Variants in TTC28 observed in about 807,000 individuals in gnomAD.
TTC28 encodes the protein tetratricopeptide repeat domain 28.
Under a neutral mutation model 198.0 loss-of-function variants are expected in TTC28, and 61 were observed. The ratio of observed to expected loss-of-function variants is 0.31; its 90% CI spans 0.25 to 0.38. The LOEUF is 0.38. TTC28 is among the 10% of genes least tolerant of loss of function. The probability of loss-of-function intolerance (pLI) is 1.00; values close to 1 mark genes in which losing one functional copy is unlikely to be tolerated. For missense variants in TTC28, 2,678 were observed against 3,164.0 expected (o/e 0.85, Z 3.69); for synonymous variants, 1,171 against 1,297.8 (o/e 0.90, Z 2.10).
intron 1 of TTC28, among the ~76,000 whole-genome samples, chr22:28,657,451 C>G (rs932783367): frequency 6.6e-6 from 1 of 152,182 alleles, no homozygotes; most frequent in Non-Finnish European, 1.5e-5. Context: ...CTAAGCAATA[C>G]AGAATAAAGT....
At chr22:28,032,232 TAAAATATATATATATAAA>T (rs1939146037) in intron 12 of TTC28, among the ~76,000 whole-genome samples, 1 of 128,692 alleles carries the variant, frequency 7.8e-6, no homozygotes, top group African/African-American at 3.2e-5. Flanking sequence ...TATATATATA[TAAAATATATATATATAAA>T]ATATATATAT....
chr22:28,084,628 C>A (rs1941494119), intron 12 of TTC28, among the ~76,000 whole-genome samples: 1 of 152,218 alleles, frequency 6.6e-6, no homozygotes, highest in Non-Finnish European at 1.5e-5. Context: ...AGAAACGCAG[C>A]TCCTCACCAG....
At chr22:28,395,195 T>C (rs16986366) in intron 2 of TTC28, among the ~76,000 whole-genome samples, 1,839 of 152,290 alleles carry the variant, frequency 0.012, 33 homozygotes, top group African/African-American at 0.042. Flanking sequence ...TTCATGGATA[T>C]GGCAACAGGA....
chr22:28,434,015 C>G (rs931242830), intron 2 of TTC28, among the ~76,000 whole-genome samples: 2 of 152,120 alleles, frequency 1.3e-5, no homozygotes, highest in Non-Finnish European at 2.9e-5. Context: ...AAAACATAGC[C>G]TAAAACCAGA....
At chr22:28,009,024 A>G (rs1051228073) in intron 14 of TTC28, among the ~76,000 whole-genome samples, 1 of 152,246 alleles carries the variant, frequency 6.6e-6, no homozygotes, top group Non-Finnish European at 1.5e-5. Flanking sequence ...CTTTCATGCT[A>G]AACACTTGCA....
chr22:28,324,062 AC>A (rs977580853), intron 2 of TTC28, among the ~76,000 whole-genome samples: 4 of 152,190 alleles, frequency 2.6e-5, no homozygotes, highest in Non-Finnish European at 5.9e-5. Context: ...TCCCAGACAA[AC>A]AAAACCTGAG....
chr22:28,156,873 AT>A (rs1215180080), intron 6 of TTC28, among the ~76,000 whole-genome samples: 2 of 152,202 alleles, frequency 1.3e-5, no homozygotes, highest in Non-Finnish European at 2.9e-5. Context: ...CAAATAAACA[AT>A]CTAATGATGC....
intron 1 of TTC28, among the ~76,000 whole-genome samples, chr22:28,640,437 C>T (rs2051346127): frequency 6.6e-6 from 1 of 151,498 alleles, no homozygotes; most frequent in Non-Finnish European, 1.5e-5. Flanking sequence ...ATACCAATGA[C>T]CAAGAATTTT....
Position 27,981,490 on chromosome 22 carries a change from A to G in TTC28, c.*731T>C, listed in dbSNP as rs1937021225. 6.6e-6 allele frequency: 1 copy of G among 152,088 alleles called. No homozygotes were observed. The highest frequency in any genetic ancestry group is 6.5e-5 in the Admixed American group (1 of 15,270). 9.4% of individuals were successfully genotyped at this position (152,088 alleles called of 1,614,324 possible). A position where few individuals can be genotyped will look rare whatever the true frequency, so the allele number is the denominator to read the frequency against. On this transcript the variant is annotated 3_prime_UTR_variant, in exon 23 of 23. Coordinates refer to ENST00000397906, the MANE Select transcript of TTC28 (RefSeq NM_001145418.2). ...AAGTTGCATTTTAAATCACAATTGC[A>G]TAGTTCTAAAATGCCTGGATAAGAG... is the stretch of plus-strand genomic sequence containing the variant.
intron 5 of TTC28, among the ~76,000 whole-genome samples, chr22:28,198,261 T>C (rs71325276): frequency 0.073 from 11,050 of 152,144 alleles, 567 homozygotes; most frequent in African/African-American, 0.13. Context: ...CTCTAATCGA[T>C]AGATGCCAGC....
intron 2 of TTC28, among the ~76,000 whole-genome samples, chr22:28,541,821 G>A (rs1238524388): frequency 2.0e-5 from 3 of 151,954 alleles, no homozygotes; most frequent in Non-Finnish European, 4.4e-5. Context: ...AGGGACATTG[G>A]CTCACGCCTG....
At chr22:28,355,458 A>T (rs1299971188) in intron 2 of TTC28, among the ~76,000 whole-genome samples, 5 of 152,188 alleles carry the variant, frequency 3.3e-5, no homozygotes, top group Admixed American at 6.5e-5. Flanking sequence ...CAAGATGAAA[A>T]CTAATAATGT....
chr22:28,288,635 G>A (rs1426869788), intron 5 of TTC28, among the ~76,000 whole-genome samples: 4 of 151,180 alleles, frequency 2.6e-5, no homozygotes, highest in African/African-American at 7.3e-5. Context: ...GTGAAACCCC[G>A]TCTCTACTAA....
chr22:28,046,737 T>C (rs1443851459), intron 12 of TTC28, among the ~76,000 whole-genome samples: 1 of 152,190 alleles, frequency 6.6e-6, no homozygotes, highest in African/African-American at 2.4e-5. Context: ...ATACACAGGC[T>C]GCCTGTAAAC....
intron 2 of TTC28, among the ~76,000 whole-genome samples, chr22:28,386,274 CAAAAAAAAAAAAAAAA>C (rs71194764): frequency 3.3e-4 from 17 of 52,218 alleles, no homozygotes; most frequent in East Asian, 1.2e-3. Context: ...GACTCCGTCT[CAAAAAAAAAAAAAAAA>C]AAAAAAAAAA....
chr22:28,056,638 T>G (rs1284751694), intron 12 of TTC28, among the ~76,000 whole-genome samples: 1 of 152,140 alleles, frequency 6.6e-6, no homozygotes, highest in East Asian at 1.9e-4. Context: ...AAAATTTATA[T>G]ACAATAAAAA....
At position 28,212,454 on chromosome 22, in the gene TTC28, G is replaced by A. The variant is rs559129023; in HGVS notation, c.934-48855C>T. ...AAATAATAAAGGGGATATCACCACC[G>A]ATCCCACAGAAATACAAACTACCAT... is the stretch of plus-strand genomic sequence containing the variant. On this transcript the variant is annotated intron_variant, in intron 5 of 22. Coordinates refer to ENST00000397906, the MANE Select transcript of TTC28 (RefSeq NM_001145418.2). 5.9e-5 allele frequency among the ~76,000 whole-genome samples: 8 copies of A among 135,660 alleles called. 1 individual carries two copies. Among genetic ancestry groups the A allele is most frequent in the Non-Finnish European group, 9.8e-5 (6 of 61,014 alleles). 89.0% of individuals were successfully genotyped at this position (135,660 alleles called of 152,430 possible).
rs970407508 is a variant in TTC28, at chr22:27,983,112, G to C, written c.6555C>G (p.Gly2185=). The C allele has an allele frequency of 4.5e-6, 7 of 1,551,626 alleles. No homozygotes were observed. Among genetic ancestry groups the C allele is most frequent in the Non-Finnish European group, 6.1e-6 (7 of 1,147,024 alleles). ...IAVERLQRSG[G]QVSKSNNPED... ...CAGGGTTATTACTCTTGCTCACCTG[G>C]CCGCCGCTCCTCTGAAGACGCTCCA... Residue 2185 remains glycine, a synonymous_variant, in exon 23 of 23, where the codon GGC becomes GGG. Coordinates refer to ENST00000397906, the MANE Select transcript of TTC28 (RefSeq NM_001145418.2).
intron 2 of TTC28, among the ~76,000 whole-genome samples, chr22:28,626,184 C>A (rs9625513): frequency 6.6e-6 from 1 of 151,902 alleles, no homozygotes; most frequent in Non-Finnish European, 1.5e-5. Flanking sequence ...TAGCATGCAG[C>A]TGGAGATAAG....
Sources: gnomAD v4.1 joint callset for allele counts (sites outside exome capture counted in the v4.1 genomes callset) on GRCh38, gnomAD v4.1.1 for gene constraint, MANE v1.5 for transcripts, NCBI Gene and HGNC (gene_info 2026-07-23, HGNC 2026-07-21) for gene names.